Variants in HGD observed in about 807,000 individuals in gnomAD.
HGD encodes homogentisate oxidase.
Under a neutral mutation model 60.8 loss-of-function variants are expected in HGD, and 61 were observed. The observed-to-expected ratio is 1.00, with a 90% CI of 0.82 to 1.24. The LOEUF (loss-of-function observed/expected upper bound fraction) is 1.24. Among genes scored for constraint, HGD ranks in the 50% most tolerant of loss-of-function variants. HGD has a pLI of 0.00. For synonymous variants in HGD, 212 were observed against 187.7 expected (o/e 1.13, Z -1.06); for missense variants, 542 against 547.1 (o/e 0.99, Z 0.09).
intron 11 of HGD, among the ~76,000 whole-genome samples, chr3:120,640,955 C>A (rs971665340): frequency 2.0e-5 from 3 of 152,164 alleles, no homozygotes; most frequent in African/African-American, 7.2e-5. Flanking sequence ...CCCCCGGGGT[C>A]TCAGAACCAC....
At chr3:120,652,531 T>C in intron 5 of HGD, 61 bp downstream of exon 5, 3 of 1,272,922 alleles carry the variant, frequency 2.4e-6, no homozygotes, top group South Asian at 2.4e-5. Flanking sequence ...TGCAAATGGT[T>C]GGCTCACTCA....
intron 12 of HGD, among the ~76,000 whole-genome samples, chr3:120,637,116 C>T (rs1378189026): frequency 6.6e-6 from 1 of 152,056 alleles, no homozygotes; most frequent in African/African-American, 2.4e-5. Flanking sequence ...CTTGTTGATG[C>T]ATTCACTTAT....
chr3:120,667,316 ACT>A (rs1707920928), intron 4 of HGD, among the ~76,000 whole-genome samples: 1 of 121,054 alleles, frequency 8.3e-6, no homozygotes, highest in African/African-American at 3.5e-5. Flanking sequence ...ACAGGGTGAG[ACT>A]CTTGTCTCAA....
chr3:120,656,887 C>A (rs981039773), intron 4 of HGD, among the ~76,000 whole-genome samples: 1 of 152,110 alleles, frequency 6.6e-6, no homozygotes, highest in Non-Finnish European at 1.5e-5. Context: ...AACATTCAGG[C>A]GATGTCTAGA....
intron 1 of HGD, among the ~76,000 whole-genome samples, chr3:120,680,702 T>C (rs998073025): frequency 1.8e-4 from 27 of 152,142 alleles, no homozygotes; most frequent in Admixed American, 1.6e-3. Context: ...TCCAGATCCA[T>C]AAATCCAACC....
chr3:120,635,990 G>C (rs1457877473), intron 12 of HGD, among the ~76,000 whole-genome samples: 1 of 151,746 alleles, frequency 6.6e-6, no homozygotes, highest in African/African-American at 2.4e-5. Flanking sequence ...GTAGATTCTG[G>C]CCAGCCATGG....
intron 4 of HGD, among the ~76,000 whole-genome samples, chr3:120,668,219 G>A (rs1707943577): frequency 6.6e-6 from 1 of 152,198 alleles, no homozygotes; most frequent in Non-Finnish European, 1.5e-5. Context: ...AAGTGGCTAT[G>A]AGGTAGATAG....
At chr3:120,655,061 ACT>A (rs1941453560) in intron 4 of HGD, among the ~76,000 whole-genome samples, 1 of 152,130 alleles carries the variant, frequency 6.6e-6, no homozygotes, top group South Asian at 2.1e-4. Flanking sequence ...ACAGAGTGAG[ACT>A]CTGTCTAAAA....
intron 10 of HGD, among the ~76,000 whole-genome samples, chr3:120,642,847 C>G (rs1040275007): frequency 1.3e-5 from 2 of 152,212 alleles, no homozygotes; most frequent in Non-Finnish European, 2.9e-5. Context: ...CAGAAACCAG[C>G]TGGCTAGGGA....
At chr3:120,657,142 A>G (rs754243752) in intron 4 of HGD, among the ~76,000 whole-genome samples, 1 of 152,190 alleles carries the variant, frequency 6.6e-6, no homozygotes, top group Non-Finnish European at 1.5e-5. Context: ...TTATTGCTTC[A>G]CATATTTTAC....
At chr3:120,669,447 G>GCACACACA (rs59426684) in intron 4 of HGD, among the ~76,000 whole-genome samples, 5,106 of 145,670 alleles carry the variant, frequency 0.035, 162 homozygotes, top group Admixed American at 0.11. Flanking sequence ...GTGCGCATGT[G>GCACACACA]CACACACACA....
intron 4 of HGD, among the ~76,000 whole-genome samples, chr3:120,656,327 A>G (rs1278731796): frequency 6.6e-6 from 1 of 152,176 alleles, no homozygotes; most frequent in Admixed American, 6.5e-5. Flanking sequence ...TAGTCCTACA[A>G]CTTTTAAAAA....
chr3:120,666,181 G>T (rs192140265), intron 4 of HGD, among the ~76,000 whole-genome samples: 1 of 152,146 alleles, frequency 6.6e-6, no homozygotes, highest in Non-Finnish European at 1.5e-5. Context: ...GGTTGGAGCC[G>T]GTGTTCACAG....
chr3:120,675,804 C>T lies in HGD; in HGVS notation c.75G>A (p.Leu25=). 1 of 1,613,262 alleles carries T rather than the reference C, an allele frequency of 6.2e-7. No homozygotes were observed. The highest frequency in any genetic ancestry group is 8.5e-7 in the Non-Finnish European group (1 of 1,179,278). Residue 25 remains leucine (L), a synonymous_variant, in exon 2 of 14, where the codon CTG becomes CTA. Coordinates refer to ENST00000283871, the MANE Select transcript of HGD (RefSeq NM_000187.4). ...TATTTGCTCATACCTGTCCTTCTGG[C>T]AGGGAACCTGGGCAGCGAGGATCCT... is the stretch of plus-strand genomic sequence containing the variant. ...SSEDPRCPGS[L]PEGQNNPQVC...
intron 6 of HGD, among the ~76,000 whole-genome samples, chr3:120,649,163 G>A (rs953239021): frequency 1.2e-4 from 12 of 99,056 alleles, no homozygotes; most frequent in Non-Finnish European, 1.7e-4. Context: ...TTTTTTTTGA[G>A]ATGGAGTCTC....
chr3:120,678,301 A>G (rs1282426110), intron 1 of HGD, among the ~76,000 whole-genome samples: 1 of 152,174 alleles, frequency 6.6e-6, no homozygotes, highest in Non-Finnish European at 1.5e-5. Flanking sequence ...AATAACCCCA[A>G]ATTATCTTCA....
At chr3:120,648,510 C>T (rs1417771900) in intron 6 of HGD, among the ~76,000 whole-genome samples, 1 of 152,224 alleles carries the variant, frequency 6.6e-6, no homozygotes, top group African/African-American at 2.4e-5. Flanking sequence ...GGGCTTTGGA[C>T]ACAAATGGTC....
rs1486479339 is a variant in HGD, at chr3:120,628,254, G to A, written c.*126C>T. The A allele has an allele frequency of 1.9e-6, 2 of 1,076,146 alleles. No individual in the cohort carries two copies. The highest frequency in any genetic ancestry group is 2.8e-6 in the Non-Finnish European group (2 of 703,244). The allele number at this position is 1,076,146 out of a possible 1,614,324, so 66.7% of individuals were successfully genotyped here. A position where few individuals can be genotyped will look rare whatever the true frequency, so the allele number is the denominator to read the frequency against. On this transcript the variant is annotated 3_prime_UTR_variant, in exon 14 of 14. Coordinates refer to ENST00000283871, the MANE Select transcript of HGD (RefSeq NM_000187.4). ...AAATGCGTTTCCATAAAAGTTCTGA[G>A]TTACTTGACTATGAAAAGTGAATTT...
At chr3:120,633,682 C>G in intron 12 of HGD, 1 of 1,061,652 alleles carries the variant, frequency 9.4e-7, no homozygotes, top group Non-Finnish European at 1.3e-6. Flanking sequence ...AGCTTACGAG[C>G]CCTGTATCAA....
Sources: gnomAD v4.1 joint callset for allele counts (sites outside exome capture counted in the v4.1 genomes callset) on GRCh38, gnomAD v4.1.1 for gene constraint, MANE v1.5 for transcripts, NCBI Gene and HGNC (gene_info 2026-07-23, HGNC 2026-07-21) for gene names.